PTPN3: variants seen among roughly 807,000 people sequenced by gnomAD.
PTPN3 encodes protein tyrosine phosphatase non-receptor type 3, also known as tyrosine-protein phosphatase non-receptor type 3.
PTPN3 carries 96 observed loss-of-function variants against 132.7 expected under a neutral mutation model. The ratio of observed to expected loss-of-function variants is 0.72; its 90% CI spans 0.61 to 0.86. PTPN3 has a LOEUF of 0.86. Among genes scored for constraint, PTPN3 ranks in the 40% least tolerant of loss-of-function variants. The pLI, the probability that PTPN3 is intolerant of heterozygous loss-of-function variation, is 0.00. For missense variants in PTPN3, 1,125 were observed against 1,159.6 expected (o/e 0.97, Z 0.43); for synonymous variants, 398 against 429.0 (o/e 0.93, Z 0.89).
At chr9:109,432,830 C>T (rs1843759333) in intron 10 of PTPN3, among the ~76,000 whole-genome samples, 1 of 152,168 alleles carries the variant, frequency 6.6e-6, no homozygotes. Flanking sequence ...CCATTTTATC[C>T]ACCAGGTTTC....
At chr9:109,451,503 A>C (rs1362569406) in intron 5 of PTPN3, 1 of 726,190 alleles carries the variant, frequency 1.4e-6, no homozygotes, top group Non-Finnish European at 1.7e-6. Context: ...GCCTCCACCC[A>C]CTGGCCACAA....
intron 19 of PTPN3, among the ~76,000 whole-genome samples, chr9:109,393,111 C>T (rs941040639): frequency 6.6e-6 from 1 of 152,138 alleles, no homozygotes; most frequent in East Asian, 1.9e-4. Context: ...GCTAATTTGG[C>T]CGTGGAAAAT....
At chr9:109,513,199 T>C in the PTPN3 span, among the ~76,000 whole-genome samples, 1 of 152,088 alleles carries the variant, frequency 6.6e-6, no homozygotes. Context: ...CTTTTTTTTT[T>C]AGTAGAGACA....
At chr9:109,424,471 G>A (rs1406661472) in intron 12 of PTPN3, among the ~76,000 whole-genome samples, 1 of 152,234 alleles carries the variant, frequency 6.6e-6, no homozygotes, top group African/African-American at 2.4e-5. Context: ...ATCTGGGTTG[G>A]CTTGTGACTG....
At chr9:109,518,929 G>A in the PTPN3 span, among the ~76,000 whole-genome samples, 19 of 152,072 alleles carry the variant, frequency 1.2e-4, no homozygotes, top group Admixed American at 1.0e-3. Flanking sequence ...AAAGGAGTCT[G>A]GCAAACTCCT....
chr9:109,469,643 C>T (rs1846270772), intron 1 of PTPN3, among the ~76,000 whole-genome samples: 1 of 151,964 alleles, frequency 6.6e-6, no homozygotes, highest in Non-Finnish European at 1.5e-5. Flanking sequence ...GCAAAGTATT[C>T]CATATTCTTA....
At position 109,382,380 on chromosome 9, in the gene PTPN3, T is replaced by C. The variant is rs768615392; in HGVS notation, c.2450A>G (p.Asp817Gly). The change falls in exon 24 of 26, where the codon GAC (aspartate) becomes GGC (glycine). Residue 817 changes from aspartate (D) to glycine (G), a missense_variant. Coordinates refer to ENST00000374541, the MANE Select transcript of PTPN3 (RefSeq NM_002829.4). ...VAWPDHGVPD[D>G]SSDFLEFVNY... The stretch of plus-strand genomic sequence containing the variant: ...TACAAATTCCAGAAAGTCGGAGGAG[T>C]CATCGGGCACACCGTGGTCAGGCCA... The C allele has an allele frequency of 6.2e-7, 1 of 1,613,832 alleles. No individual in the cohort carries two copies. Among genetic ancestry groups the C allele is most frequent in the South Asian group, 1.1e-5 (1 of 91,054 alleles).
In PTPN3 at chr9:109,436,764, A is replaced by C. The variant is rs1206621663; in HGVS notation, c.675+119T>G. The C allele has an allele frequency of 2.1e-6, 3 of 1,398,240 alleles. No individual in the cohort carries two copies. The Admixed American group carries it at 9.3e-5, about 44-fold the overall frequency. 86.6% of individuals were successfully genotyped at this position (1,398,240 alleles called of 1,614,324 possible). On this transcript the variant is annotated intron_variant, in intron 9 of 25. Transcript: ENST00000374541. ...GCATTACTTAATAAACCTTCCAAAT[A>C]TCTTTTAAAAAGTCCTGTTATAATG... is the stretch of plus-strand genomic sequence containing the variant.
chr9:109,400,283 C>G, intron 19 of PTPN3, among the ~76,000 whole-genome samples: 1 of 152,280 alleles, frequency 6.6e-6, no homozygotes, highest in South Asian at 2.1e-4. Flanking sequence ...TGGAGCCTCC[C>G]TTTATTTATA....
rs760662743 is a variant in PTPN3 at position 109,420,487 on chromosome 9, T to C, written c.1250A>G (p.Lys417Arg). Residue 417 changes from lysine to arginine, a missense_variant, in exon 14 of 26, where the codon AAG becomes AGG. By Grantham distance (26) the Lys-to-Arg change is conservative. Transcript: ENST00000374541. The stretch of plus-strand genomic sequence containing the variant: ...GCTGTCTTGAGGGGCCAGAGAGCCC[T>C]TGTACGTGTAAAATACATCTTCCGT... ...TETEDVFYTYKGSLAPQDSDS... is the reference protein window; with the variant it reads ...TETEDVFYTYRGSLAPQDSDS... 4 of 1,613,678 alleles carry C rather than the reference T, an allele frequency of 2.5e-6. No individual in the cohort carries two copies. Among genetic ancestry groups the C allele is most frequent in the East Asian group, 2.2e-5 (1 of 44,886 alleles).
Position 109,383,234 on chromosome 9 carries a change from T to G in PTPN3, c.2382+189A>C. On this transcript the variant is annotated intron_variant, in intron 23 of 25. Transcript: ENST00000374541. ...CGATGGACACTGGGCTGTTTGCACCTCGTGCCTGTTGTGACTAGGGCCACT... is the reference window on the plus strand; with the variant it reads ...CGATGGACACTGGGCTGTTTGCACCGCGTGCCTGTTGTGACTAGGGCCACT... 3 of 922,974 alleles carry G rather than the reference T, an allele frequency of 3.3e-6. No individual in the cohort carries two copies. The South Asian group carries it at 4.5e-5, about 14-fold the overall frequency. 57.2% of individuals were successfully genotyped at this position (922,974 alleles called of 1,614,324 possible).
At position 109,381,777 on chromosome 9, in the gene PTPN3, C is replaced by T; in HGVS notation, c.2539G>A (p.Gly847Ser). The change falls in exon 25 of 26, where the codon GGT becomes AGT. Residue 847 changes from glycine to serine, a missense_variant. By Grantham distance (56) the Gly-to-Ser change is moderately conservative. Coordinates refer to ENST00000374541, the MANE Select transcript of PTPN3 (RefSeq NM_002829.4). ...PVLVHCSAGI[G>S]RTGVLVTMET... The stretch of plus-strand genomic sequence containing the variant: ...ATAGTGACCAACACACCGGTTCGAC[C>T]TATTCCAGCACTGGAGAGGGGAGAG... 6.2e-7 allele frequency: 1 copy of T among 1,614,244 alleles called. No individual in the cohort carries two copies.
At chr9:109,534,650 AAAAT>A in the PTPN3 span, among the ~76,000 whole-genome samples, 2 of 149,278 alleles carry the variant, frequency 1.3e-5, no homozygotes, top group Non-Finnish European at 1.5e-5. Flanking sequence ...AAAAAAAAAA[AAAAT>A]ACCTGGGCGT....
At chr9:109,405,455 C>T (rs1162104625) in intron 18 of PTPN3, among the ~76,000 whole-genome samples, 1 of 152,102 alleles carries the variant, frequency 6.6e-6, no homozygotes, top group African/African-American at 2.4e-5. Context: ...CAGCTGTGCA[C>T]GGTGTTCAAG....
chr9:109,498,923 A>T (rs1847805145), upstream of PTPN3, among the ~76,000 whole-genome samples: 1 of 152,014 alleles, frequency 6.6e-6, no homozygotes, highest in Non-Finnish European at 1.5e-5. The surrounding 1 kb of genome is among the most constrained non-coding windows in gnomAD (Gnocchi z 4.2). Flanking sequence ...GCGCCTTCTC[A>T]TTGTACATAG....
At chr9:109,451,408 G>A (rs1541091) in intron 5 of PTPN3, 29,392 of 951,784 alleles carry the variant, frequency 0.031, 874 homozygotes, top group East Asian at 0.3. Context: ...TGGGGGTGGG[G>A]TGTCAGTTGT....
chr9:109,432,626 G>A (rs1325691710), intron 10 of PTPN3, among the ~76,000 whole-genome samples: 2 of 152,182 alleles, frequency 1.3e-5, no homozygotes, highest in Non-Finnish European at 2.9e-5. Flanking sequence ...TGTGAGCTCA[G>A]AGGGCAAGCA....
chr9:109,533,765 C>T, the PTPN3 span: 1 of 1,351,384 alleles, frequency 7.4e-7, no homozygotes, highest in Non-Finnish European at 1.0e-6. Flanking sequence ...CCTTCACCTG[C>T]TGTAGGGCCG....
chr9:109,513,955 A>G, the PTPN3 span, among the ~76,000 whole-genome samples: 1 of 152,166 alleles, frequency 6.6e-6, no homozygotes, highest in Admixed American at 6.5e-5. Context: ...GGTGTTCCAC[A>G]TGTACTTCAA....
Sources: allele counts gnomAD v4.1 joint callset (sites outside exome capture counted in the v4.1 genomes callset), GRCh38; gene constraint gnomAD v4.1.1; non-coding constraint Gnocchi (gnomAD v3.1); transcripts MANE v1.5; gene names NCBI Gene and HGNC (gene_info 2026-07-23, HGNC 2026-07-21).